The following SH3RF3 variants were observed in gnomAD, a reference collection of about 807,000 sequenced individuals.
SH3RF3 encodes the protein SH3 domain containing ring finger 3.
Under a neutral mutation model 66.3 loss-of-function variants are expected in SH3RF3, and 29 were observed. The observed-to-expected ratio is 0.44, with a 90% CI of 0.33 to 0.60. SH3RF3 has a LOEUF of 0.60. Among genes scored for constraint, SH3RF3 ranks in the 20% least tolerant of loss-of-function variants. SH3RF3 has a pLI of 0.04. For synonymous variants in SH3RF3, 583 were observed against 532.0 expected (o/e 1.10, Z -1.32); for missense variants, 1,194 against 1,190.9 (o/e 1.00, Z -0.04).
chr2:109,161,179 T>G (rs1325247933), intron 1 of SH3RF3, among the ~76,000 whole-genome samples: 2 of 152,264 alleles, frequency 1.3e-5, no homozygotes, highest in East Asian at 3.9e-4. Context: ...ACTGGTTCTT[T>G]CGGAACAATA....
intron 1 of SH3RF3, among the ~76,000 whole-genome samples, chr2:109,252,266 A>C (rs906214280): frequency 1.3e-5 from 2 of 151,804 alleles, no homozygotes; most frequent in African/African-American, 2.4e-5. Context: ...AAAAAAAAAA[A>C]AACTTTCAAC....
At chr2:109,132,507 G>C (rs1035948093) in intron 1 of SH3RF3, among the ~76,000 whole-genome samples, 1 of 152,180 alleles carries the variant, frequency 6.6e-6, no homozygotes, top group African/African-American at 2.4e-5. Flanking sequence ...TGAGCCATTT[G>C]AGATAAAGCG....
chr2:109,419,571 G>A lies in SH3RF3; in HGVS notation c.1332G>A (p.Thr444=), dbSNP rs368091662. 158 of 1,598,854 alleles carry A rather than the reference G, an allele frequency of 9.9e-5. No homozygotes were observed. In the South Asian group the frequency reaches 1.2e-3, roughly 12 times the overall value. ...DVSSSAGSTP[T]AVPRAASVSG... ...CCTCCTCGGCGGGATCTACCCCCAC[G>A]GCTGTCCCACGGGCTGCCTCGGTGT... Residue 444 remains threonine (T), a synonymous_variant, in exon 5 of 10, where the codon ACG becomes ACA. Transcript: ENST00000309415.
At chr2:109,183,822 C>T (rs78900055) in intron 1 of SH3RF3, among the ~76,000 whole-genome samples, 382 of 152,302 alleles carry the variant, frequency 2.5e-3, no homozygotes, top group Non-Finnish European at 4.5e-3. Flanking sequence ...GTTACCTGTC[C>T]AGGGGCCCCT....
intron 8 of SH3RF3, among the ~76,000 whole-genome samples, chr2:109,468,335 T>C (rs553920348): frequency 5.3e-5 from 8 of 152,198 alleles, no homozygotes; most frequent in Admixed American, 3.9e-4. Flanking sequence ...GGAAGGGGAA[T>C]GCGTTGCACT....
intron 1 of SH3RF3, among the ~76,000 whole-genome samples, chr2:109,279,515 C>T (rs1436769320): frequency 2.0e-5 from 3 of 152,192 alleles, no homozygotes; most frequent in South Asian, 2.1e-4. Flanking sequence ...AAGTCGCCAC[C>T]GCCCCCTCCA....
intron 1 of SH3RF3, among the ~76,000 whole-genome samples, chr2:109,163,765 G>C (rs2104918496): frequency 6.6e-6 from 1 of 152,284 alleles, no homozygotes; most frequent in South Asian, 2.1e-4. Context: ...CATCCTGTGT[G>C]CAGTCGGCAG....
intron 2 of SH3RF3, among the ~76,000 whole-genome samples, chr2:109,360,657 A>ATAT (rs1683035264): frequency 6.6e-6 from 1 of 152,218 alleles, no homozygotes; most frequent in Non-Finnish European, 1.5e-5. Flanking sequence ...TGACTTTTGT[A>ATAT]TATTAGCCTT....
At chr2:109,132,558 T>C (rs1423698198) in intron 1 of SH3RF3, among the ~76,000 whole-genome samples, 2 of 152,178 alleles carry the variant, frequency 1.3e-5, no homozygotes, top group African/African-American at 2.4e-5. Flanking sequence ...CTGGAAATAA[T>C]ATACCCAGTG....
chr2:109,277,668 C>G (rs186465314), intron 1 of SH3RF3, among the ~76,000 whole-genome samples: 1 of 152,304 alleles, frequency 6.6e-6, no homozygotes, highest in East Asian at 1.9e-4. Context: ...GATGTCCTCT[C>G]CCACTCAGGG....
At chr2:109,220,733 T>G (rs981918085) in intron 1 of SH3RF3, among the ~76,000 whole-genome samples, 8 of 127,248 alleles carry the variant, frequency 6.3e-5, no homozygotes, top group Non-Finnish European at 1.1e-4. Flanking sequence ...TTCCCACCTG[T>G]TAGAAGGGGC....
In SH3RF3 at chr2:109,129,467, G is replaced by A. The variant is rs1354096591; in HGVS notation, c.-74G>A. The A allele has an allele frequency of 3.3e-6, 5 of 1,494,490 alleles. No individual in the cohort carries two copies. Among genetic ancestry groups the A allele is most frequent in the Non-Finnish European group, 4.4e-6 (5 of 1,127,410 alleles). 92.6% of individuals were successfully genotyped at this position (1,494,490 alleles called of 1,614,324 possible). ...AGCCCGGCTCCCCAGTCCTGATGCT[G>A]GCTGCCGGTGGCGGGCTCCACGCCG... is the stretch of plus-strand genomic sequence containing the variant. On this transcript the variant is annotated 5_prime_UTR_variant, in exon 1 of 10. Coordinates refer to ENST00000309415, the MANE Select transcript of SH3RF3 (RefSeq NM_001099289.3).
chr2:109,301,067 C>A (rs1681455170), intron 1 of SH3RF3, among the ~76,000 whole-genome samples: 1 of 152,132 alleles, frequency 6.6e-6, no homozygotes, highest in South Asian at 2.1e-4. Flanking sequence ...TATGAAGTGC[C>A]CAGTACAGTA....
At chr2:109,258,704 G>A (rs902993416) in intron 1 of SH3RF3, among the ~76,000 whole-genome samples, 1 of 152,228 alleles carries the variant, frequency 6.6e-6, no homozygotes, top group African/African-American at 2.4e-5. Context: ...AGTGATGACT[G>A]CCAGAAAGTT....
At chr2:109,294,645 A>G (rs1681265136) in intron 1 of SH3RF3, among the ~76,000 whole-genome samples, 3 of 151,682 alleles carry the variant, frequency 2.0e-5, no homozygotes, top group African/African-American at 4.8e-5. Flanking sequence ...CCATCTGATC[A>G]TCATAGGCTT....
rs1483627467 is a variant in SH3RF3, at chr2:109,163,445, CT to C, written c.573+33333del. On this transcript the variant is annotated intron_variant, in intron 1 of 9. Coordinates refer to ENST00000309415, the MANE Select transcript of SH3RF3 (RefSeq NM_001099289.3). Reference sequence around the variant, plus strand: ...ACGGAGTCTCGCTCTGTCGCCCAGGCTGGAGTGCAGTGGCGGGATCTCGGCT... The same window carrying C: ...ACGGAGTCTCGCTCTGTCGCCCAGGCGGAGTGCAGTGGCGGGATCTCGGCT... Among the ~76,000 whole-genome samples the C allele has an allele frequency of 1.4e-4, 16 of 117,264 alleles. 1 individual carries two copies. The Admixed American group carries it at 1.4e-3, about 11-fold the overall frequency. 76.9% of individuals were successfully genotyped at this position (117,264 alleles called of 152,430 possible). A position where few individuals can be genotyped will look rare whatever the true frequency, so the allele number is the denominator to read the frequency against.
chr2:109,318,398 G>A (rs563799604), intron 1 of SH3RF3, among the ~76,000 whole-genome samples: 8 of 152,224 alleles, frequency 5.3e-5, no homozygotes, highest in Admixed American at 6.5e-5. Context: ...AAGAAATGCC[G>A]CCGAGCGCCA....
At chr2:109,313,525 C>T (rs968559035) in intron 1 of SH3RF3, 3 of 154,888 alleles carry the variant, frequency 1.9e-5, no homozygotes, top group African/African-American at 4.8e-5. Context: ...TTGGTCATCG[C>T]AATGGTCTTA....
chr2:109,249,478 T>G (rs1023139041), intron 1 of SH3RF3, among the ~76,000 whole-genome samples: 28 of 18,748 alleles, frequency 1.5e-3, no homozygotes, highest in African/African-American at 0.011. Flanking sequence ...TCTTTCTTTC[T>G]TTCTTTCTTT....
Sources: gnomAD v4.1 joint callset for allele counts (sites outside exome capture counted in the v4.1 genomes callset) on GRCh38, gnomAD v4.1.1 for gene constraint, MANE v1.5 for transcripts, NCBI Gene and HGNC (gene_info 2026-07-23, HGNC 2026-07-21) for gene names.